The following PDE4D variants were observed in gnomAD, a reference collection of about 807,000 sequenced individuals.
PDE4D encodes 3',5'-cyclic-AMP phosphodiesterase 4D.
PDE4D carries 24 observed loss-of-function variants against 87.4 expected under a neutral mutation model. The observed-to-expected ratio is 0.27, with a 90% CI of 0.20 to 0.39. The LOEUF is 0.39. PDE4D is among the 10% of genes least tolerant of loss of function. PDE4D has a pLI of 1.00. For missense variants in PDE4D, 714 were observed against 1,041.0 expected (o/e 0.69, Z 4.32); for synonymous variants, 384 against 383.2 (o/e 1.00, Z -0.02).
At chr5:60,085,462 A>G (rs762473263) in intron 2 of PDE4D, among the ~76,000 whole-genome samples, 1 of 152,160 alleles carries the variant, frequency 6.6e-6, no homozygotes, top group Non-Finnish European at 1.5e-5. Context: ...GCAGTAATGT[A>G]TCTAAAAAGT....
At chr5:59,846,190 T>C (rs1332862333) in intron 1 of PDE4D, among the ~76,000 whole-genome samples, 2 of 152,062 alleles carry the variant, frequency 1.3e-5, no homozygotes, top group Non-Finnish European at 2.9e-5. Flanking sequence ...TTTATTTACC[T>C]TACCGATGGT....
intron 1 of PDE4D, among the ~76,000 whole-genome samples, chr5:60,329,155 T>C (rs929280880): frequency 4.0e-5 from 6 of 151,806 alleles, no homozygotes; most frequent in Admixed American, 3.9e-4. Context: ...TGTGGTTTAG[T>C]GGTGTCCCCA....
chr5:59,047,296 C>T (rs1423688342), intron 5 of PDE4D, among the ~76,000 whole-genome samples: 1 of 152,136 alleles, frequency 6.6e-6, no homozygotes, highest in East Asian at 1.9e-4. Context: ...AAGGAATGAA[C>T]AGGGATTCAT....
intron 1 of PDE4D, chr5:59,768,271 C>T: frequency 6.3e-7 from 1 of 1,598,234 alleles, no homozygotes; most frequent in Non-Finnish European, 8.5e-7. Context: ...CGTGAAACGC[C>T]GCTGTTTGGG....
intron 2 of PDE4D, among the ~76,000 whole-genome samples, chr5:60,047,464 T>C (rs2152875081): frequency 1.3e-5 from 2 of 152,336 alleles, no homozygotes; most frequent in South Asian, 4.1e-4. Flanking sequence ...GATGTTAGGG[T>C]GTCCATTTTA....
chr5:59,102,606 A>C (rs1163719472), intron 5 of PDE4D, among the ~76,000 whole-genome samples: 1 of 152,212 alleles, frequency 6.6e-6, no homozygotes, highest in Non-Finnish European at 1.5e-5. Context: ...CAATAGCGGT[A>C]ACCCTTCAAA....
intron 1 of PDE4D, among the ~76,000 whole-genome samples, chr5:59,326,163 T>C (rs1775613442): frequency 6.6e-6 from 1 of 152,062 alleles, no homozygotes; most frequent in Non-Finnish European, 1.5e-5. Context: ...ATATACCTAA[T>C]GCTAGATGAC....
At chr5:59,873,213 G>A (rs190640474) in intron 1 of PDE4D, among the ~76,000 whole-genome samples, 1 of 152,336 alleles carries the variant, frequency 6.6e-6, no homozygotes, top group East Asian at 1.9e-4. Flanking sequence ...TTTAAGCAGA[G>A]ATCAAGAGAA....
intron 1 of PDE4D, among the ~76,000 whole-genome samples, chr5:60,301,780 G>A (rs1367406207): frequency 6.6e-6 from 1 of 151,974 alleles, no homozygotes; most frequent in Non-Finnish European, 1.5e-5. Flanking sequence ...CTTGTTTTGT[G>A]CCTATTCAGT....
chr5:59,428,006 G>C (rs1356066261), intron 1 of PDE4D, among the ~76,000 whole-genome samples: 2 of 152,026 alleles, frequency 1.3e-5, no homozygotes, highest in African/African-American at 4.8e-5. Flanking sequence ...CAGATGGTAG[G>C]GTTGTCATTC....
At chr5:59,703,954 G>A (rs1038837246) in intron 1 of PDE4D, among the ~76,000 whole-genome samples, 1 of 152,094 alleles carries the variant, frequency 6.6e-6, no homozygotes, top group Non-Finnish European at 1.5e-5. Flanking sequence ...TAGAGGCAGA[G>A]AGAGTAAAAG....
intron 6 of PDE4D, among the ~76,000 whole-genome samples, chr5:59,032,250 A>G (rs1049436226): frequency 5.9e-5 from 9 of 152,220 alleles, no homozygotes; most frequent in African/African-American, 2.2e-4. Context: ...AATAAATTTT[A>G]AAGATTAATA....
chr5:60,243,085 T>A (rs935789236), intron 1 of PDE4D, among the ~76,000 whole-genome samples: 7 of 151,304 alleles, frequency 4.6e-5, no homozygotes, highest in African/African-American at 1.7e-4. Context: ...TTAGCCAGAT[T>A]AAGAAAAAAG....
At chr5:59,604,579 G>C (rs1223190973) in intron 1 of PDE4D, among the ~76,000 whole-genome samples, 2 of 151,908 alleles carry the variant, frequency 1.3e-5, no homozygotes, top group Non-Finnish European at 2.9e-5. Flanking sequence ...ATTAGAGTAA[G>C]ACCAATAACC....
At chr5:60,473,205 G>C (rs2150197829) in intron 1 of PDE4D, among the ~76,000 whole-genome samples, 1 of 144,474 alleles carries the variant, frequency 6.9e-6, no homozygotes, top group East Asian at 2.0e-4. Flanking sequence ...AAGAAAGAAA[G>C]AAAAGAAAGA....
intron 1 of PDE4D, among the ~76,000 whole-genome samples, chr5:59,831,439 TAAC>T (rs931844423): frequency 1.3e-5 from 2 of 151,832 alleles, no homozygotes; most frequent in African/African-American, 4.8e-5. Flanking sequence ...TTAATAATGA[TAAC>T]AACAATGGTA....
At chr5:59,657,107 G>C (rs1422512905) in intron 1 of PDE4D, among the ~76,000 whole-genome samples, 2 of 151,914 alleles carry the variant, frequency 1.3e-5, no homozygotes, top group African/African-American at 4.8e-5. Flanking sequence ...ATATATACTT[G>C]GAAATGTAAT....
At chr5:59,589,626 T>C (rs987174607) in intron 1 of PDE4D, among the ~76,000 whole-genome samples, 5 of 152,208 alleles carry the variant, frequency 3.3e-5, no homozygotes, top group Non-Finnish European at 7.4e-5. Flanking sequence ...TCTTAGTCCA[T>C]TTTATTCTAC....
intron 1 of PDE4D, among the ~76,000 whole-genome samples, chr5:59,574,109 TATATATATAA>T (rs1561241403): frequency 8.5e-5 from 3 of 35,394 alleles, no homozygotes; most frequent in East Asian, 6.1e-4. Context: ...TATATTTATA[TATATATATAA>T]ATATATATTT....
Sources: gnomAD v4.1 joint callset for allele counts (sites outside exome capture counted in the v4.1 genomes callset) on GRCh38, gnomAD v4.1.1 for gene constraint, MANE v1.5 for transcripts, NCBI Gene and HGNC (gene_info 2026-07-23, HGNC 2026-07-21) for gene names.